The following DPP10 variants were observed in gnomAD, a reference collection of about 807,000 sequenced individuals.
DPP10 encodes the protein inactive dipeptidyl peptidase 10.
Under a neutral mutation model 120.9 loss-of-function variants are expected in DPP10, and 33 were observed. That is an observed-to-expected ratio of 0.27 (90% CI 0.21 to 0.37). The LOEUF (loss-of-function observed/expected upper bound fraction) is 0.37. DPP10 is among the 10% of genes least tolerant of loss of function. DPP10 has a pLI of 1.00. For missense variants in DPP10, 816 were observed against 942.8 expected (o/e 0.87, Z 1.76); for synonymous variants, 337 against 326.1 (o/e 1.03, Z -0.36).
chr2:115,073,080 G>A (rs569488009), intron 1 of DPP10, among the ~76,000 whole-genome samples: 52 of 152,180 alleles, frequency 3.4e-4, no homozygotes, highest in Non-Finnish European at 2.4e-4. Flanking sequence ...ACTGCGCCCA[G>A]CCAGATTATA....
At chr2:115,156,530 G>C (rs533436459) in intron 1 of DPP10, among the ~76,000 whole-genome samples, 1 of 152,292 alleles carries the variant, frequency 6.6e-6, no homozygotes, top group East Asian at 1.9e-4. Flanking sequence ...TCTTACAGTA[G>C]AATTTTCTCT....
intron 3 of DPP10, among the ~76,000 whole-genome samples, chr2:115,470,415 G>GA (rs1463318288): frequency 2.0e-5 from 3 of 152,192 alleles, no homozygotes; most frequent in Admixed American, 6.5e-5. Flanking sequence ...TCATGGCACA[G>GA]AAAAAAACCT....
intron 7 of DPP10, among the ~76,000 whole-genome samples, chr2:115,694,924 G>A (rs1181284593): frequency 6.6e-6 from 1 of 152,086 alleles, no homozygotes; most frequent in Non-Finnish European, 1.5e-5. Context: ...AATAAGTAAG[G>A]ATTTGTATTC....
intron 3 of DPP10, among the ~76,000 whole-genome samples, chr2:115,478,711 A>G (rs2075244857): frequency 6.6e-6 from 1 of 152,202 alleles, no homozygotes; most frequent in Non-Finnish European, 1.5e-5. Flanking sequence ...AACAAGAATT[A>G]CAAAACAAAC....
intron 1 of DPP10, among the ~76,000 whole-genome samples, chr2:115,092,856 T>G (rs1483714992): frequency 2.6e-5 from 4 of 152,182 alleles, no homozygotes; most frequent in African/African-American, 4.8e-5. Context: ...ATTTTGTCGT[T>G]GCTGATAAAA....
intron 5 of DPP10, among the ~76,000 whole-genome samples, chr2:115,599,184 G>T (rs1323521091): frequency 1.3e-5 from 2 of 151,958 alleles, no homozygotes; most frequent in Non-Finnish European, 2.9e-5. Flanking sequence ...TTTGGCATTT[G>T]CTCAACTATT....
At chr2:115,834,841 C>T (rs1689284817) in intron 21 of DPP10, among the ~76,000 whole-genome samples, 2 of 152,140 alleles carry the variant, frequency 1.3e-5, no homozygotes, top group South Asian at 2.1e-4. Context: ...AATCCCAGCA[C>T]TTTGGGAGGC....
At chr2:115,528,082 C>T (rs2078240853) in intron 5 of DPP10, among the ~76,000 whole-genome samples, 1 of 151,942 alleles carries the variant, frequency 6.6e-6, no homozygotes, top group Non-Finnish European at 1.5e-5. Context: ...GGTATATACC[C>T]AGTAATGGGA....
At chr2:115,142,699 A>G (rs1253817377) in intron 1 of DPP10, among the ~76,000 whole-genome samples, 1 of 152,100 alleles carries the variant, frequency 6.6e-6, no homozygotes, top group East Asian at 1.9e-4. Flanking sequence ...ATCTTTCTCT[A>G]TCAGGACCCA....
chr2:114,682,244 A>G (rs1032753595), intron 1 of DPP10, among the ~76,000 whole-genome samples: 3 of 151,982 alleles, frequency 2.0e-5, no homozygotes, highest in African/African-American at 7.2e-5. Flanking sequence ...TGTAGCATGG[A>G]TGGAACTGGA....
intron 1 of DPP10, among the ~76,000 whole-genome samples, chr2:115,013,744 C>T (rs575673908): frequency 1.3e-5 from 2 of 150,874 alleles, no homozygotes; most frequent in Admixed American, 1.3e-4. Flanking sequence ...CAAACAAAGG[C>T]TAAGAAGGGT....
At chr2:114,800,811 C>A (rs1684127626) in intron 1 of DPP10, among the ~76,000 whole-genome samples, 1 of 152,134 alleles carries the variant, frequency 6.6e-6, no homozygotes, top group Non-Finnish European at 1.5e-5. Context: ...CCTGAAGCTA[C>A]TGCCCTTGGT....
intron 3 of DPP10, among the ~76,000 whole-genome samples, chr2:115,435,054 A>AT (rs1188861226): frequency 4.9e-5 from 1 of 20,578 alleles, no homozygotes. Context: ...ATGCACACAT[A>AT]TATATATATA....
At chr2:115,512,888 A>G (rs955150706) in intron 4 of DPP10, among the ~76,000 whole-genome samples, 1 of 151,992 alleles carries the variant, frequency 6.6e-6, no homozygotes, top group Non-Finnish European at 1.5e-5. Flanking sequence ...TCTGTCTGTA[A>G]GATCTTTTTG....
chr2:115,634,633 GA>G (rs1370111847), intron 5 of DPP10, among the ~76,000 whole-genome samples: 1 of 152,160 alleles, frequency 6.6e-6, no homozygotes, highest in African/African-American at 2.4e-5. Flanking sequence ...GATGCCAACA[GA>G]AATGCTACTG....
At chr2:115,127,154 T>C (rs1326862515) in intron 1 of DPP10, among the ~76,000 whole-genome samples, 4 of 152,186 alleles carry the variant, frequency 2.6e-5, no homozygotes, top group Non-Finnish European at 5.9e-5. Context: ...TGAGAAAGTT[T>C]GTTGCTGTTG....
chr2:115,587,716 G>T (rs941737193), intron 5 of DPP10, among the ~76,000 whole-genome samples: 1 of 152,150 alleles, frequency 6.6e-6, no homozygotes, highest in Admixed American at 6.6e-5. Flanking sequence ...TTCAGCCATA[G>T]AAAAGAATGA....
At chr2:115,077,436 C>T (rs1185663839) in intron 1 of DPP10, among the ~76,000 whole-genome samples, 7 of 151,988 alleles carry the variant, frequency 4.6e-5, no homozygotes, top group Admixed American at 6.6e-5. Flanking sequence ...CTAACCTCAC[C>T]GGAAAACTGG....
At chr2:115,285,525 A>G (rs139118004) in intron 1 of DPP10, among the ~76,000 whole-genome samples, 9 of 152,084 alleles carry the variant, frequency 5.9e-5, no homozygotes, top group Non-Finnish European at 1.2e-4. Flanking sequence ...TAGAACTCCA[A>G]TGAGAGAAAA....
Sources: allele counts gnomAD v4.1 joint callset (sites outside exome capture counted in the v4.1 genomes callset), GRCh38; gene constraint gnomAD v4.1.1; transcripts MANE v1.5; gene names NCBI Gene and HGNC (gene_info 2026-07-23, HGNC 2026-07-21).